Variants in ATP13A3 observed in about 807,000 individuals in gnomAD.
The protein encoded by ATP13A3 is polyamine-transporting ATPase 13A3.
ATP13A3 carries 59 observed loss-of-function variants against 158.1 expected under a neutral mutation model. That is an observed-to-expected ratio of 0.37 (90% CI 0.30 to 0.46). ATP13A3 has a LOEUF of 0.46. Ranked by LOEUF, ATP13A3 falls within the 20% of genes least tolerant of loss-of-function variation. The pLI is 1.00. For synonymous variants in ATP13A3, 491 were observed against 504.3 expected (o/e 0.97, Z 0.35); for missense variants, 1,166 against 1,525.2 (o/e 0.76, Z 3.92).
At chr3:194,412,450 T>C (rs1230391311) in intron 32 of ATP13A3, 162 bp from the exon 33 acceptor site, 9 of 585,962 alleles carry the variant, frequency 1.5e-5, no homozygotes, top group African/African-American at 3.7e-5. Context: ...TCAAGAATGA[T>C]AGGACTTTTG....
At position 194,484,213 on chromosome 3, in the gene ATP13A3, G is replaced by A. The variant is rs114251695; in HGVS notation, c.-47+1581C>T. On this transcript the variant is annotated intron_variant, in intron 2 of 33. Coordinates refer to ENST00000645319, the MANE Select transcript of ATP13A3 (RefSeq NM_001367549.1). ...TAGGTTTCTGTCTGTCTTCAAAGTC[G>A]CTTATACTGTAAGCTCCTTAACTTC... is the stretch of plus-strand genomic sequence containing the variant. 8.1e-3 allele frequency among the ~76,000 whole-genome samples: 1,231 copies of A among 152,158 alleles called. 3 individuals carry two copies. Among genetic ancestry groups the A allele is most frequent in the Middle Eastern group, 0.031 (9 of 294 alleles).
In ATP13A3 at chr3:194,406,180, C is replaced by G. The variant is rs1251558066; in HGVS notation, c.3574-64G>C. 15 of 1,547,382 alleles carry G rather than the reference C, an allele frequency of 9.7e-6. No individual in the cohort carries two copies. The East Asian group carries it at 3.2e-4, about 33-fold the overall frequency. On this transcript the variant is annotated intron_variant, in intron 33 of 33. Coordinates refer to ENST00000645319, the MANE Select transcript of ATP13A3 (RefSeq NM_001367549.1). ...TTGATTAAAGGCTTGTCGTTTTAAA[C>G]AGGTTTGTTAAAGCACACATTAGCA... is the stretch of plus-strand genomic sequence containing the variant.
At chr3:194,492,168 C>G (rs1199454511) in intron 2 of ATP13A3, among the ~76,000 whole-genome samples, 1 of 152,132 alleles carries the variant, frequency 6.6e-6, no homozygotes, top group African/African-American at 2.4e-5. Flanking sequence ...TCACCGCAGA[C>G]CCCTTCCCCA....
intron 26 of ATP13A3, 68 bp downstream of exon 26, chr3:194,430,001 TATG>T: frequency 2.2e-6 from 3 of 1,339,568 alleles, no homozygotes; most frequent in African/African-American, 1.5e-5. Context: ...TGTTACTTTT[TATG>T]ATAATTTTCT....
chr3:194,459,894 A>G lies in ATP13A3; in HGVS notation c.303T>C (p.Ser101=), dbSNP rs1420087627. 1.9e-6 allele frequency: 3 copies of G among 1,613,332 alleles called. No homozygotes were observed. The African/African-American group carries it at 4.0e-5, about 22-fold the overall frequency. ...LETYPVSSPK[S]MSNKLSNGHA... is the part of the protein sequence containing the mutation. ...GGCCATTTGAAAGCTTATTAGACAT[A>G]GATTTTGGACTTGAAACTGGGTAAG... The change falls in exon 5 of 34, where the codon TCT becomes TCC. Residue 101 remains serine, a synonymous_variant. Coordinates refer to ENST00000645319, the MANE Select transcript of ATP13A3 (RefSeq NM_001367549.1).
At chr3:194,458,058 T>C (rs1350750820) in intron 6 of ATP13A3, among the ~76,000 whole-genome samples, 2 of 152,076 alleles carry the variant, frequency 1.3e-5, no homozygotes, top group Non-Finnish European at 2.9e-5. Flanking sequence ...AGTGCTGGGA[T>C]TACAGGCATG....
chr3:194,428,369 C>T (rs549371045), intron 28 of ATP13A3, among the ~76,000 whole-genome samples: 1 of 152,244 alleles, frequency 6.6e-6, no homozygotes, highest in Admixed American at 6.5e-5. Context: ...TGGTTCTCAA[C>T]TGGAGGATTT....
At chr3:194,430,678 A>G (rs1717151456) in intron 24 of ATP13A3, among the ~76,000 whole-genome samples, 1 of 152,224 alleles carries the variant, frequency 6.6e-6, no homozygotes, top group Non-Finnish European at 1.5e-5. Context: ...TGTTTACTAA[A>G]ATGATTAGCC....
chr3:194,454,882 C>G (rs993967961), intron 8 of ATP13A3, among the ~76,000 whole-genome samples: 3 of 150,770 alleles, frequency 2.0e-5, no homozygotes, highest in African/African-American at 7.3e-5. Context: ...CATTAAAATA[C>G]TAGAATTTGG....
intron 2 of ATP13A3, among the ~76,000 whole-genome samples, chr3:194,484,072 T>C (rs1465354301): frequency 6.6e-6 from 1 of 152,168 alleles, no homozygotes; most frequent in African/African-American, 2.4e-5. Flanking sequence ...TAAGATGACA[T>C]ATCTGATTTA....
At chr3:194,432,364 C>T (rs34219068) in intron 21 of ATP13A3, among the ~76,000 whole-genome samples, 18,756 of 152,002 alleles carry the variant, frequency 0.12, 1,328 homozygotes, top group South Asian at 0.24. Flanking sequence ...CAGGTGTAAA[C>T]GAGAAACAAG....
At chr3:194,462,074 C>T (rs112852476) in intron 3 of ATP13A3, 66 bp downstream of exon 3, 9 of 1,510,532 alleles carry the variant, frequency 6.0e-6, no homozygotes, top group Non-Finnish European at 8.3e-6. Context: ...TTTTCTAGTC[C>T]CTAAAATAAT....
intron 31 of ATP13A3, among the ~76,000 whole-genome samples, chr3:194,417,092 G>C (rs1389566874): frequency 2.6e-5 from 4 of 152,156 alleles, no homozygotes. Flanking sequence ...TCAACTCTGT[G>C]TAATTCTAAT....
chr3:194,444,650 C>G, intron 15 of ATP13A3, 75 bp downstream of exon 15: 1 of 1,307,944 alleles, frequency 7.6e-7, no homozygotes, highest in South Asian at 1.5e-5. Context: ...CTATTACTTC[C>G]TTTATGTTTG....
At chr3:194,438,715 G>C in intron 17 of ATP13A3, 141 bp downstream of exon 17, 3 of 462,220 alleles carry the variant, frequency 6.5e-6, no homozygotes, top group South Asian at 4.5e-5. Flanking sequence ...GGTTGAGGGG[G>C]ATCATTTGAG....
upstream of ATP13A3, among the ~76,000 whole-genome samples, chr3:194,491,287 A>G (rs931004791): frequency 4.6e-5 from 7 of 152,138 alleles, no homozygotes; most frequent in African/African-American, 1.2e-4. Context: ...TTCTTCCCCA[A>G]ATCAGCTCCT....
At chr3:194,467,151 G>A (rs1720041854) in intron 2 of ATP13A3, among the ~76,000 whole-genome samples, 1 of 152,204 alleles carries the variant, frequency 6.6e-6, no homozygotes, top group Admixed American at 6.5e-5. Flanking sequence ...AGATGAATAA[G>A]CATGTTTTAT....
intron 31 of ATP13A3, among the ~76,000 whole-genome samples, chr3:194,419,443 T>C (rs942547396): frequency 3.9e-5 from 6 of 152,220 alleles, no homozygotes; most frequent in African/African-American, 1.4e-4. Context: ...TTTTTAATTA[T>C]GGCTAACAAC....
At chr3:194,450,380 T>C (rs1718720054) in intron 10 of ATP13A3, 104 bp from the exon 11 acceptor site, 1 of 1,133,810 alleles carries the variant, frequency 8.8e-7, no homozygotes, top group South Asian at 1.6e-5. Context: ...AAGAAGTTTA[T>C]AATGGGGTAA....
Sources: gnomAD v4.1 joint callset for allele counts (sites outside exome capture counted in the v4.1 genomes callset) on GRCh38, gnomAD v4.1.1 for gene constraint, MANE v1.5 for transcripts, NCBI Gene and HGNC (gene_info 2026-07-23, HGNC 2026-07-21) for gene names.